RABEP1: variants seen among roughly 807,000 people sequenced by gnomAD.
The protein encoded by RABEP1 is rab GTPase-binding effector protein 1.
RABEP1 carries 51 observed loss-of-function variants against 123.4 expected under a neutral mutation model. The observed-to-expected ratio is 0.41, with a 90% CI of 0.33 to 0.52. The LOEUF (loss-of-function observed/expected upper bound fraction) is 0.52, where lower values mean the gene tolerates loss of function less well. RABEP1 is among the 20% of genes least tolerant of loss of function. The pLI is 0.16. For missense variants in RABEP1, 888 were observed against 996.3 expected (o/e 0.89, Z 1.46); for synonymous variants, 347 against 355.2 (o/e 0.98, Z 0.26).
At chr17:5,306,933 A>G (rs906425958) in intron 1 of RABEP1, among the ~76,000 whole-genome samples, 1 of 152,234 alleles carries the variant, frequency 6.6e-6, no homozygotes, top group African/African-American at 2.4e-5. Flanking sequence ...TAAAGTGGAA[A>G]AATTGTAAGT....
chr17:5,294,394 C>G (rs1567865022), intron 1 of RABEP1, among the ~76,000 whole-genome samples: 1 of 151,694 alleles, frequency 6.6e-6, no homozygotes, highest in African/African-American at 2.4e-5. Flanking sequence ...GAAAATAAAC[C>G]AATAAAACAA....
intron 3 of RABEP1, 53 bp from the exon 4 acceptor site, chr17:5,335,131 G>T (rs1478375932): frequency 2.1e-6 from 3 of 1,462,158 alleles, no homozygotes; most frequent in Non-Finnish European, 2.8e-6. Context: ...AGTGTGCCAG[G>T]TTATTTTTTT....
chr17:5,360,284 C>T lies in RABEP1; in HGVS notation c.1096-924C>T, dbSNP rs148503195. Among the ~76,000 whole-genome samples, 1,338 of 152,336 alleles carry T rather than the reference C, an allele frequency of 8.8e-3. 7 individuals are homozygous for T. The highest frequency in any genetic ancestry group is 0.014 in the South Asian group (67 of 4,828). On this transcript the variant is annotated intron_variant, in intron 8 of 17. Transcript: ENST00000537505. ...GCTGGAAAATACCACATTCTTGGGC[C>T]GGGTGCGGTGGCTCACGCCTGTAAT...
At chr17:5,283,569 C>T (rs1421070031) in intron 1 of RABEP1, among the ~76,000 whole-genome samples, 2 of 152,064 alleles carry the variant, frequency 1.3e-5, no homozygotes, top group Non-Finnish European at 2.9e-5. Flanking sequence ...CTATAATCAG[C>T]GTGTGTGCTT....
intron 12 of RABEP1, among the ~76,000 whole-genome samples, chr17:5,368,916 G>A (rs952139603): frequency 6.6e-6 from 1 of 152,092 alleles, no homozygotes; most frequent in African/African-American, 2.4e-5. Flanking sequence ...AGACCATCCT[G>A]TCTAACATGG....
At chr17:5,316,386 G>A (rs2075294959) in intron 2 of RABEP1, among the ~76,000 whole-genome samples, 1 of 132,394 alleles carries the variant, frequency 7.6e-6, no homozygotes, top group African/African-American at 2.7e-5. Flanking sequence ...GGAGGTGGAG[G>A]TTGCAGTGAG....
At chr17:5,328,031 A>C (rs566374438) in intron 2 of RABEP1, among the ~76,000 whole-genome samples, 9 of 152,344 alleles carry the variant, frequency 5.9e-5, no homozygotes, top group African/African-American at 2.2e-4. Flanking sequence ...TGATATTCTA[A>C]TTAATGAGTG....
chr17:5,293,592 A>C (rs1461953242), intron 1 of RABEP1, among the ~76,000 whole-genome samples: 1 of 152,102 alleles, frequency 6.6e-6, no homozygotes, highest in African/African-American at 2.4e-5. Context: ...TTTTTTGTAC[A>C]GACAGAATCT....
At chr17:5,362,817 C>T in intron 9 of RABEP1, 95 bp from the exon 10 acceptor site, 1 of 802,428 alleles carries the variant, frequency 1.2e-6, no homozygotes, top group Non-Finnish European at 2.1e-6. Flanking sequence ...ACTGCATGTT[C>T]TACTGACTAC....
chr17:5,356,882 T>C (rs1406300067), intron 8 of RABEP1, among the ~76,000 whole-genome samples: 1 of 148,028 alleles, frequency 6.8e-6, no homozygotes, highest in African/African-American at 2.5e-5. Context: ...CTATTTGCAC[T>C]TTTTTTTTTA....
At chr17:5,380,646 T>G in intron 16 of RABEP1, 184 bp downstream of exon 16, 1 of 624,186 alleles carries the variant, frequency 1.6e-6, no homozygotes, top group South Asian at 1.6e-5. Flanking sequence ...GTTAAATCTT[T>G]TCTGCCAGGT....
intron 5 of RABEP1, among the ~76,000 whole-genome samples, chr17:5,345,123 C>A (rs1200061521): frequency 6.6e-6 from 1 of 152,144 alleles, no homozygotes; most frequent in Non-Finnish European, 1.5e-5. Flanking sequence ...TTTACCCTAA[C>A]CAGGTTGTAA....
chr17:5,365,201 A>T lies in RABEP1; in HGVS notation c.1748A>T (p.Asp583Val), dbSNP rs759303885. 2 of 1,611,676 alleles carry T rather than the reference A, an allele frequency of 1.2e-6. No homozygotes were observed. The highest frequency in any genetic ancestry group is 2.2e-5 in the East Asian group (1 of 44,708). Reference protein sequence around the residue: ...KTMKDKQELEDFIKQSSEDSS... With the variant: ...KTMKDKQELEVFIKQSSEDSS... The stretch of plus-strand genomic sequence containing the variant: ...ATGAAAGATAAGCAGGAGCTGGAAG[A>T]CTTCATAAAGCAAAGCAGCGAAGAT... The change falls in exon 11 of 18, where the codon GAC becomes GTC. Residue 583 changes from aspartate to valine, a missense_variant. Transcript: ENST00000537505.
Position 5,309,526 on chromosome 17 carries a change from G to T in RABEP1, c.163+704G>T, listed in dbSNP as rs561114223. ...AAATTAGCTGGGCATGGTGGCGCAT[G>T]CCTGTAATCCCAGCTGCTCGGGAGG... On this transcript the variant is annotated intron_variant, in intron 2 of 17. Transcript: ENST00000537505. Among the ~76,000 whole-genome samples the T allele has an allele frequency of 7.2e-5, 11 of 152,166 alleles. No homozygotes were observed. The South Asian group carries it at 1.9e-3, about 26-fold the overall frequency.
chr17:5,315,260 A>C (rs1001730395), intron 2 of RABEP1, among the ~76,000 whole-genome samples: 10 of 152,222 alleles, frequency 6.6e-5, no homozygotes, highest in African/African-American at 2.2e-4. Context: ...TAAACAAACG[A>C]TTAGAAATTA....
intron 8 of RABEP1, among the ~76,000 whole-genome samples, chr17:5,360,004 A>G (rs550523791): frequency 6.6e-6 from 1 of 152,238 alleles, no homozygotes; most frequent in Non-Finnish European, 1.5e-5. Context: ...AAAGTGTACA[A>G]TTCAGTGGCA....
intron 11 of RABEP1, among the ~76,000 whole-genome samples, chr17:5,365,898 C>T (rs1207402137): frequency 1.3e-5 from 2 of 152,174 alleles, no homozygotes; most frequent in Non-Finnish European, 2.9e-5. Flanking sequence ...TACGGATATA[C>T]CGCAATTTAT....
chr17:5,352,493 C>G (rs1360905073), intron 7 of RABEP1, among the ~76,000 whole-genome samples: 1 of 151,290 alleles, frequency 6.6e-6, no homozygotes, highest in Non-Finnish European at 1.5e-5. Context: ...ATGCCCTGCT[C>G]TAAAGTACAG....
chr17:5,364,911 G>C (rs1909882904), intron 10 of RABEP1, among the ~76,000 whole-genome samples: 1 of 152,122 alleles, frequency 6.6e-6, no homozygotes. Context: ...TTTCAGATGA[G>C]ATGTGTGTGA....
Sources: gnomAD v4.1 joint callset for allele counts (sites outside exome capture counted in the v4.1 genomes callset) on GRCh38, gnomAD v4.1.1 for gene constraint, MANE v1.5 for transcripts, NCBI Gene and HGNC (gene_info 2026-07-23, HGNC 2026-07-21) for gene names.